The following CA10 variants were observed in gnomAD, a reference collection of about 807,000 sequenced individuals.
CA10 encodes carbonic anhydrase-related protein 10.
Under a neutral mutation model 44.2 loss-of-function variants are expected in CA10, and 14 were observed. The ratio of observed to expected loss-of-function variants is 0.32; its 90% CI spans 0.21 to 0.50. The LOEUF (loss-of-function observed/expected upper bound fraction) is 0.50. Ranked by LOEUF, CA10 falls within the 20% of genes least tolerant of loss-of-function variation. The probability of loss-of-function intolerance (pLI) is 0.99; values close to 1 mark genes in which losing one functional copy is unlikely to be tolerated. For synonymous variants in CA10, 159 were observed against 141.6 expected (o/e 1.12, Z -0.87); for missense variants, 350 against 409.7 (o/e 0.85, Z 1.26).
chr17:52,158,627 C>T lies in CA10; in HGVS notation c.-841G>A, dbSNP rs1338342326. 6.5e-6 allele frequency: 1 copy of T among 152,782 alleles called. No homozygotes were observed. The highest frequency in any genetic ancestry group is 1.5e-5 in the Non-Finnish European group (1 of 68,554). 9.5% of individuals were successfully genotyped at this position (152,782 alleles called of 1,614,324 possible). On this transcript the variant is annotated 5_prime_UTR_variant, in exon 1 of 9. Transcript: ENST00000451037. ...GGTCGCGCGCGCCCTTCCTGCTCCTCTGCTATTTTCCTGAACTCCCCAGAA... is the reference window on the plus strand; with the variant it reads ...GGTCGCGCGCGCCCTTCCTGCTCCTTTGCTATTTTCCTGAACTCCCCAGAA...
intron 2 of CA10, among the ~76,000 whole-genome samples, chr17:52,034,991 A>G (rs1221276114): frequency 6.6e-6 from 1 of 152,194 alleles, no homozygotes; most frequent in Non-Finnish European, 1.5e-5. Flanking sequence ...AAAGAACTGT[A>G]TAACTGGAAG....
intron 2 of CA10, among the ~76,000 whole-genome samples, chr17:51,965,519 T>C (rs933664346): frequency 6.6e-6 from 1 of 152,042 alleles, no homozygotes; most frequent in Non-Finnish European, 1.5e-5. Context: ...CATGATCAAG[T>C]AGGCTTCATT....
chr17:51,816,715 T>G (rs1478888650), intron 3 of CA10, among the ~76,000 whole-genome samples: 1 of 152,244 alleles, frequency 6.6e-6, no homozygotes, highest in Non-Finnish European at 1.5e-5. Context: ...TGAAAGATCT[T>G]GTTTTATAAT....
At chr17:51,968,986 A>G (rs566939711) in intron 2 of CA10, among the ~76,000 whole-genome samples, 67 of 152,120 alleles carry the variant, frequency 4.4e-4, no homozygotes, top group Middle Eastern at 6.8e-3. Context: ...CCTTCGTCTA[A>G]TAGACATTGC....
In CA10 at chr17:52,052,230, T is replaced by C. The variant is rs536828524; in HGVS notation, c.136+20089A>G. On this transcript the variant is annotated intron_variant, in intron 2 of 8. Coordinates refer to ENST00000451037, the MANE Select transcript of CA10 (RefSeq NM_020178.5). ...AAATAATCTGAACAACAACCCCCCA[T>C]GACATAAGTTTACCTAGGTAACAAA... Among the ~76,000 whole-genome samples the C allele has an allele frequency of 1.2e-3, 183 of 150,220 alleles. 4 individuals are homozygous for C. In the South Asian group the frequency reaches 0.022, roughly 18 times the overall value.
chr17:51,949,374 C>A (rs1983400034), intron 2 of CA10, among the ~76,000 whole-genome samples: 1 of 152,158 alleles, frequency 6.6e-6, no homozygotes, highest in Non-Finnish European at 1.5e-5. Flanking sequence ...ATTGTGGTCT[C>A]ATTTACACTT....
At chr17:52,074,175 A>G (rs1987757937) in intron 1 of CA10, among the ~76,000 whole-genome samples, 1 of 152,164 alleles carries the variant, frequency 6.6e-6, no homozygotes, top group Admixed American at 6.5e-5. Flanking sequence ...TGAAACAACT[A>G]CTTTGTAATG....
chr17:52,098,378 C>T (rs779534755), intron 1 of CA10, among the ~76,000 whole-genome samples: 2 of 152,178 alleles, frequency 1.3e-5, no homozygotes, highest in Non-Finnish European at 2.9e-5. Context: ...TAACAACTTG[C>T]CTGGTGATGC....
intron 3 of CA10, among the ~76,000 whole-genome samples, chr17:51,929,973 T>C (rs989598566): frequency 6.6e-6 from 1 of 152,194 alleles, no homozygotes; most frequent in African/African-American, 2.4e-5. Flanking sequence ...CAAAGTCACT[T>C]ACAGCTTTTT....
intron 2 of CA10, among the ~76,000 whole-genome samples, chr17:51,972,109 T>C (rs2097998234): frequency 6.6e-6 from 1 of 151,846 alleles, no homozygotes; most frequent in Admixed American, 6.6e-5. Flanking sequence ...TTTTAGAAAA[T>C]GTGATATGTG....
intron 3 of CA10, among the ~76,000 whole-genome samples, chr17:51,907,065 C>A (rs1163582410): frequency 6.6e-6 from 1 of 152,116 alleles, no homozygotes; most frequent in Non-Finnish European, 1.5e-5. Context: ...TCTAGTGGTT[C>A]CCTGTAACAT....
At chr17:52,075,042 A>G (rs1987782157) in intron 1 of CA10, among the ~76,000 whole-genome samples, 1 of 152,128 alleles carries the variant, frequency 6.6e-6, no homozygotes, top group African/African-American at 2.4e-5. Flanking sequence ...TATGACAGAG[A>G]CCATTTGGCC....
chr17:51,634,450 G>C lies in CA10; in HGVS notation c.790-800C>G, dbSNP rs145526607. ...TATCCCGTCAAGGATATTGGCTTCT[G>C]CTTCCTTTGCTCATCTCTCCTTTAA... On this transcript the variant is annotated intron_variant, in intron 7 of 8. Transcript: ENST00000451037. Among the ~76,000 whole-genome samples, 548 of 152,258 alleles carry C rather than the reference G, an allele frequency of 3.6e-3. 3 individuals are homozygous for C. The highest frequency in any genetic ancestry group is 0.012 in the African/African-American group (518 of 41,536).
chr17:52,080,179 G>A (rs1229248045), intron 1 of CA10, among the ~76,000 whole-genome samples: 3 of 152,172 alleles, frequency 2.0e-5, no homozygotes, highest in African/African-American at 4.8e-5. Flanking sequence ...AAGGCCAGGC[G>A]CAGTGGCTCA....
intron 3 of CA10, among the ~76,000 whole-genome samples, chr17:51,851,660 G>A (rs1978800717): frequency 6.6e-6 from 1 of 152,176 alleles, no homozygotes; most frequent in Admixed American, 6.5e-5. Flanking sequence ...TGGAAGTCAA[G>A]GGTTGTATCC....
chr17:51,644,351 G>A (rs1291703534), intron 6 of CA10, among the ~76,000 whole-genome samples: 1 of 151,960 alleles, frequency 6.6e-6, no homozygotes. Context: ...TTCCAGGGTG[G>A]GATTTTAAAG....
Position 51,752,970 on chromosome 17 carries a change from G to A in CA10, c.280-5152C>T, listed in dbSNP as rs369377407. Among the ~76,000 whole-genome samples, 20 of 152,226 alleles carry A rather than the reference G, an allele frequency of 1.3e-4. No individual in the cohort carries two copies. The South Asian group carries it at 3.9e-3, about 30-fold the overall frequency. ...TAAAAAACAAGTAAATAAAAAATAT[G>A]TTGGGGATTTTCATTTCTTCTCCAG... On this transcript the variant is annotated intron_variant, in intron 3 of 8. Transcript: ENST00000451037.
At chr17:52,036,855 A>G (rs892075611) in intron 2 of CA10, among the ~76,000 whole-genome samples, 1 of 152,200 alleles carries the variant, frequency 6.6e-6, no homozygotes. Context: ...ATAGCCAGTG[A>G]TGTATCAGAG....
intron 2 of CA10, among the ~76,000 whole-genome samples, chr17:52,011,812 T>C (rs981980216): frequency 2.0e-5 from 3 of 151,954 alleles, no homozygotes; most frequent in Non-Finnish European, 4.4e-5. Flanking sequence ...CAGAAATACA[T>C]GCTAATGGAG....
Sources: allele counts gnomAD v4.1 joint callset (sites outside exome capture counted in the v4.1 genomes callset), GRCh38; gene constraint gnomAD v4.1.1; transcripts MANE v1.5; gene names NCBI Gene and HGNC (gene_info 2026-07-23, HGNC 2026-07-21).